Variants in GABRB3 observed in about 807,000 individuals in gnomAD.
The protein encoded by GABRB3 is gamma-aminobutyric acid type A receptor subunit beta3, also known as gamma-aminobutyric acid receptor subunit beta-3.
GABRB3 carries 14 observed loss-of-function variants against 52.1 expected under a neutral mutation model. The ratio of observed to expected loss-of-function variants is 0.27; its 90% confidence interval spans 0.18 to 0.42. The LOEUF is 0.42. Among genes scored for constraint, GABRB3 ranks in the 10% least tolerant of loss-of-function variants. The pLI is 1.00. For synonymous variants in GABRB3, 260 were observed against 232.3 expected, an observed-to-expected ratio of 1.12 and a Z score of -1.08; for missense variants, 307 against 609.1, an observed-to-expected ratio of 0.50 and a Z score of 5.22.
At chr15:26,618,925 C>T (rs1260995158) in intron 4 of GABRB3, among the ~76,000 whole-genome samples, 2 of 149,366 alleles carry the variant, frequency 1.3e-5, no homozygotes, top group Admixed American at 6.7e-5. Context: ...AAATGCTCAC[C>T]ATCACTGGCC....
intron 8 of GABRB3, among the ~76,000 whole-genome samples, chr15:26,551,796 C>T (rs1456586508): frequency 6.6e-6 from 1 of 152,096 alleles, no homozygotes; most frequent in African/African-American, 2.4e-5. Context: ...GGAGTGGTCT[C>T]CTTAGAATGG....
chr15:26,744,579 C>A (rs973225561), intron 3 of GABRB3, among the ~76,000 whole-genome samples: 11 of 152,202 alleles, frequency 7.2e-5, no homozygotes, highest in African/African-American at 2.2e-4. Context: ...ATGCCTGCCA[C>A]CATGCCTGGC....
intron 4 of GABRB3, among the ~76,000 whole-genome samples, chr15:26,586,397 A>ACACACACACACACACACACACACACACAC (rs149254517): frequency 2.2e-5 from 3 of 138,014 alleles, no homozygotes; most frequent in African/African-American, 5.5e-5. Context: ...AACCACCCCT[A>ACACACACACACACACACACACACACACAC]ACACACACAC....
rs538127656 is a variant in GABRB3, at chr15:26,693,321, G to A, written c.241-71787C>T. Among the ~76,000 whole-genome samples, 121 of 152,330 alleles carry A rather than the reference G, an allele frequency of 7.9e-4. 1 individual carries two copies. The highest frequency in any genetic ancestry group is 2.6e-3 in the African/African-American group (110 of 41,590). On this transcript the variant is annotated intron_variant, in intron 3 of 8. Coordinates refer to ENST00000311550, the MANE Select transcript of GABRB3 (RefSeq NM_000814.6). The stretch of plus-strand genomic sequence containing the variant: ...TGGCAGAGCCCCAAGCTGGCTCAGC[G>A]TTCCTAGCAGTCTCTAAACGTTTCC...
At chr15:26,708,700 C>T (rs187468785) in intron 3 of GABRB3, among the ~76,000 whole-genome samples, 77 of 152,336 alleles carry the variant, frequency 5.1e-4, no homozygotes, top group East Asian at 2.3e-3. Flanking sequence ...GAAGATAGCA[C>T]GCCACATCCA....
chr15:26,550,364 A>G (rs990267407), intron 8 of GABRB3, among the ~76,000 whole-genome samples: 3 of 152,228 alleles, frequency 2.0e-5, no homozygotes, highest in Admixed American at 6.5e-5. Flanking sequence ...AAAGGAAGAC[A>G]TACAAAAGGC....
intron 3 of GABRB3, chr15:26,716,681 A>T (rs1889476555): frequency 9.9e-7 from 1 of 1,008,494 alleles, no homozygotes; most frequent in South Asian, 3.9e-5. Flanking sequence ...TTTAAGAATC[A>T]TCCAATTATT....
At chr15:26,758,948 T>A (rs11161335) in intron 3 of GABRB3, among the ~76,000 whole-genome samples, 73,899 of 151,976 alleles carry the variant, frequency 0.49, 19,049 homozygotes, top group South Asian at 0.62. Context: ...CGGAAAAACC[T>A]AAGTTAAACA....
intron 3 of GABRB3, chr15:26,642,662 C>G (rs1201471677): frequency 2.4e-6 from 1 of 419,864 alleles, no homozygotes; most frequent in South Asian, 1.7e-5. Context: ...AGTGTACCCC[C>G]CCGCACACAC....
chr15:26,564,443 C>T (rs1233965599), intron 7 of GABRB3, among the ~76,000 whole-genome samples: 1 of 152,160 alleles, frequency 6.6e-6, no homozygotes, highest in Non-Finnish European at 1.5e-5. Context: ...GTCTGAAGAG[C>T]CAGCAGAACA....
At chr15:26,709,973 G>A (rs1259085258) in intron 3 of GABRB3, among the ~76,000 whole-genome samples, 4 of 152,036 alleles carry the variant, frequency 2.6e-5, no homozygotes, top group Non-Finnish European at 4.4e-5. Context: ...TCACCCCCAG[G>A]CAAGTACTGA....
intron 3 of GABRB3, among the ~76,000 whole-genome samples, chr15:26,629,719 C>T (rs946188131): frequency 4.6e-5 from 7 of 152,166 alleles, no homozygotes; most frequent in African/African-American, 1.7e-4. Flanking sequence ...CGAGCCCCTT[C>T]TGGTTGTAAT....
At chr15:26,583,766 A>T (rs1890873717) in intron 4 of GABRB3, among the ~76,000 whole-genome samples, 1 of 148,984 alleles carries the variant, frequency 6.7e-6, no homozygotes, top group Non-Finnish European at 1.5e-5. Context: ...TAACAAATGT[A>T]TTGTATCACC....
intron 3 of GABRB3, among the ~76,000 whole-genome samples, chr15:26,678,484 A>C (rs942658543): frequency 1.3e-5 from 2 of 152,050 alleles, no homozygotes; most frequent in Admixed American, 6.5e-5. Flanking sequence ...ACCTTACTGC[A>C]TGAGAAAGCA....
At chr15:26,565,741 A>G (rs1890143536) in intron 7 of GABRB3, among the ~76,000 whole-genome samples, 3 of 152,152 alleles carry the variant, frequency 2.0e-5, no homozygotes, top group Admixed American at 6.6e-5. Context: ...CATTTTCAGT[A>G]CACCCCACCC....
chr15:26,564,169 G>C lies in GABRB3; in HGVS notation c.836-2993C>G, dbSNP rs74705955. Among the ~76,000 whole-genome samples the C allele has an allele frequency of 3.9e-4, 59 of 152,142 alleles. 1 individual carries two copies. In the East Asian group the frequency reaches 8.4e-3, roughly 22 times the overall value. ...TTTCAGATTTTGGATTTTTGGATTA[G>C]GGATGCTCAAACTAAGTATAATGCA... is the stretch of plus-strand genomic sequence containing the variant. On this transcript the variant is annotated intron_variant, in intron 7 of 8. Transcript: ENST00000311550.
chr15:26,606,243 G>C (rs182504887), intron 4 of GABRB3, among the ~76,000 whole-genome samples: 9 of 151,994 alleles, frequency 5.9e-5, no homozygotes, highest in Admixed American at 2.6e-4. Flanking sequence ...CACAACAGGG[G>C]GACTATAGTC....
chr15:26,772,308 G>T (rs1469898990), intron 3 of GABRB3, 94 bp downstream of exon 3: 3 of 1,136,502 alleles, frequency 2.6e-6, no homozygotes, highest in Non-Finnish European at 3.8e-6. Flanking sequence ...CTCGGCCCCG[G>T]CCGAAGAGGC....
At chr15:26,566,827 T>C (rs1035093010) in intron 7 of GABRB3, among the ~76,000 whole-genome samples, 6 of 152,184 alleles carry the variant, frequency 3.9e-5, no homozygotes, top group Non-Finnish European at 8.8e-5. Context: ...ATAATTCTTT[T>C]CCATCAATTT....
Sources: allele counts gnomAD v4.1 joint callset (sites outside exome capture counted in the v4.1 genomes callset), GRCh38; gene constraint gnomAD v4.1.1; transcripts MANE v1.5; gene names NCBI Gene and HGNC (gene_info 2026-07-23, HGNC 2026-07-21).